The following KRT9 variants were observed in gnomAD, a reference collection of about 807,000 sequenced individuals.
KRT9 encodes keratin, type I cytoskeletal 9.
In KRT9, 34 loss-of-function variants were observed where a neutral mutation model predicts 51.4. The ratio of observed to expected loss-of-function variants is 0.66; its 90% CI spans 0.50 to 0.88. The LOEUF (loss-of-function observed/expected upper bound fraction) is 0.88. KRT9 is among the 40% of genes least tolerant of loss of function. KRT9 has a pLI of 0.00. For synonymous variants in KRT9, 292 were observed against 289.7 expected, an observed-to-expected ratio of 1.01 and a Z score of -0.08; for missense variants, 753 against 790.3, an observed-to-expected ratio of 0.95 and a Z score of 0.57.
At position 41,567,306 on chromosome 17, in the gene KRT9, G is replaced by A. The variant is rs142173628; in HGVS notation, c.1839C>T (p.Tyr613=). The A allele has an allele frequency of 4.5e-5, 72 of 1,613,950 alleles. No homozygotes were observed. The East Asian group carries it at 1.2e-3, about 27-fold the overall frequency. ...GGGATGATTTTCCGCTTCCTCCTCC[G>A]TAGCCGCCACCACTTCCACTCGCTT... The part of the protein sequence containing the change: ...GEEASGSGGG[Y]GGGSGKSSHS The change falls in exon 7 of 8, where the codon TAC becomes TAT. Residue 613 remains tyrosine (Y), a synonymous_variant. Coordinates refer to ENST00000246662, the MANE Select transcript of KRT9 (RefSeq NM_000226.4).
intron 6 of KRT9, 139 bp downstream of exon 6, chr17:41,568,023 G>A: frequency 1.0e-6 from 1 of 956,398 alleles, no homozygotes; most frequent in Non-Finnish European, 1.6e-6. Context: ...GGTCCCCCCG[G>A]CCCCCAGGAT....
At position 41,571,171 on chromosome 17, in the gene KRT9, A is replaced by T. The variant is rs117099258; in HGVS notation, c.642+180T>A. Among the ~76,000 whole-genome samples the T allele has an allele frequency of 4.6e-5, 7 of 152,354 alleles. No homozygotes were observed. The East Asian group carries it at 1.4e-3, about 29-fold the overall frequency. ...GAAGTGAACACTCAGAGCACAGGCCAAAGTCCTATCCTGGGATCCCCAGAA... is the reference window on the plus strand; with the variant it reads ...GAAGTGAACACTCAGAGCACAGGCCTAAGTCCTATCCTGGGATCCCCAGAA... On this transcript the variant is annotated intron_variant, in intron 1 of 7. Coordinates refer to ENST00000246662, the MANE Select transcript of KRT9 (RefSeq NM_000226.4).
chr17:41,569,773 C>T, intron 3 of KRT9, 86 bp downstream of exon 3: 1 of 1,553,540 alleles, frequency 6.4e-7, no homozygotes, highest in East Asian at 2.2e-5. Context: ...GAGGGTGTCT[C>T]CCAGGTAATG....
At position 41,571,943 on chromosome 17, in the gene KRT9, C is replaced by A. The variant is rs746679033; in HGVS notation, c.50G>T (p.Gly17Val). 8.2e-6 allele frequency: 13 copies of A among 1,579,962 alleles called. No homozygotes were observed. The highest frequency in any genetic ancestry group is 1.1e-5 in the Non-Finnish European group (13 of 1,163,508). The part of the protein sequence containing the change: ...SSSYLSRSGG[G>V]GGGGLGSGGS... ...CCCGCTGCCCAGGCCGCCCCCGCCA[C>A]CCCCGCCGCTGCGGCTCAAGTAGGA... The change falls in exon 1 of 8, where the codon GGT becomes GTT. Residue 17 changes from glycine (G) to valine (V), a missense_variant. Physicochemically the swap from Gly to Val is moderately radical, Grantham distance 109 (BLOSUM62 -3). Around this residue, in one of 3 missense-constraint regions of KRT9, gnomAD observed 241 missense variants for 210.3 expected, o/e 1.15. Coordinates refer to ENST00000246662, the MANE Select transcript of KRT9 (RefSeq NM_000226.4).
At chr17:41,568,133 G>A in intron 6 of KRT9, 29 bp downstream of exon 6, 1 of 1,594,584 alleles carries the variant, frequency 6.3e-7, no homozygotes, top group Non-Finnish European at 8.6e-7. Flanking sequence ...GGGACCCCCA[G>A]GGGTTCCACC....
In KRT9 at chr17:41,566,115, G is replaced by C. The variant is rs1046177823; in HGVS notation, c.*78C>G. ...GGGATGCTCAGCTGGGGCTGGGCAG[G>C]AGAAGTTTACAGAGGCTCTAGTATC... On this transcript the variant is annotated 3_prime_UTR_variant, in exon 8 of 8. Transcript: ENST00000246662. The C allele has an allele frequency of 2.6e-5, 4 of 152,808 alleles. No individual in the cohort carries two copies. The highest frequency in any genetic ancestry group is 9.7e-5 in the African/African-American group (4 of 41,446). The allele number at this position is 152,808 out of a possible 1,614,324, so 9.5% of individuals were successfully genotyped here.
At chr17:41,571,103 G>C (rs912482447) in intron 1 of KRT9, among the ~76,000 whole-genome samples, 8 of 152,062 alleles carry the variant, frequency 5.3e-5, no homozygotes, top group African/African-American at 1.9e-4. Context: ...GTTAACCCAG[G>C]TCTCCTCTCT....
chr17:41,567,639 A>T lies in KRT9; in HGVS notation c.1506T>A (p.Ser502Arg), dbSNP rs752425097. 1.9e-6 allele frequency: 3 copies of T among 1,593,656 alleles called. No homozygotes were observed. The highest frequency in any genetic ancestry group is 2.6e-6 in the Non-Finnish European group (3 of 1,170,366). ...GSGGSYGGGG[S>R]GGGYGGGSGS... ...CACTTCCTCCACCATAGCCACCTCC[A>T]CTTCCTCCTCCACCATAGCTGCCTC... The change falls in exon 7 of 8, where the codon AGT becomes AGA. Residue 502 changes from serine to arginine, a missense_variant. Around this residue, in one of 3 missense-constraint regions of KRT9, gnomAD observed 507 missense variants for 563.7 expected, o/e 0.90. Coordinates refer to ENST00000246662, the MANE Select transcript of KRT9 (RefSeq NM_000226.4).
At position 41,571,829 on chromosome 17, in the gene KRT9, C is replaced by A; in HGVS notation, c.164G>T (p.Gly55Val). The change falls in exon 1 of 8, where the codon GGG becomes GTG. Residue 55 changes from glycine to valine, a missense_variant. Transcript: ENST00000246662. ...GRFSSSSGYG[G>V]GSSRVCGRGG... ...CCTCCCACAGACACGAGAGCTTCCC[C>A]CACCATAGCCACTAGAAGAGCTGAA... 1 of 1,612,940 alleles carries A rather than the reference C, an allele frequency of 6.2e-7. No individual in the cohort carries two copies. Among genetic ancestry groups the A allele is most frequent in the Non-Finnish European group, 8.5e-7 (1 of 1,179,328 alleles).
Position 41,568,209 on chromosome 17 carries a change from C to T in KRT9, c.1347G>A (p.Lys449=), listed in dbSNP as rs901559270. The T allele has an allele frequency of 4.3e-6, 7 of 1,614,076 alleles. No homozygotes were observed. In the African/African-American group the frequency reaches 6.7e-5, roughly 15 times the overall value. Residue 449 remains lysine (K), a synonymous_variant, in exon 6 of 8, where the codon AAG becomes AAA. Coordinates refer to ENST00000246662, the MANE Select transcript of KRT9 (RefSeq NM_000226.4). ...LLLSIKMRLE[K]EIETYHNLLE... ...GGAGGTTGTGGTAGGTCTCGATTTC[C>T]TTCTCCAGCCGCATCTTAATGCTGA...
At chr17:41,568,079 C>A (rs1036373217) in intron 6 of KRT9, 83 bp downstream of exon 6, 2 of 1,264,594 alleles carry the variant, frequency 1.6e-6, no homozygotes, top group African/African-American at 3.0e-5. Context: ...GAACTTCCCC[C>A]AGCTGCCTCT....
chr17:41,570,002 G>T lies in KRT9; in HGVS notation c.739C>A (p.Gln247Lys). 6.2e-7 allele frequency: 1 copy of T among 1,614,150 alleles called. No individual in the cohort carries two copies. The highest frequency in any genetic ancestry group is 1.3e-5 in the African/African-American group (1 of 75,040). Residue 247 changes from glutamine to lysine, a missense_variant, in exon 3 of 8, where the codon CAA (glutamine) becomes AAA (lysine). Coordinates refer to ENST00000246662, the MANE Select transcript of KRT9 (RefSeq NM_000226.4). ...DDFRIKFEME[Q>K]NLRQGVDADI... Reference sequence around the variant, plus strand: ...GCATCCACTCCTTGCCGCAGGTTTTGCTCCATCTCAAACCTGCAGACCAGC... The same window carrying T: ...GCATCCACTCCTTGCCGCAGGTTTTTCTCCATCTCAAACCTGCAGACCAGC...
chr17:41,569,689 T>C, intron 3 of KRT9, 102 bp from the exon 4 acceptor site: 1 of 1,534,656 alleles, frequency 6.5e-7, no homozygotes, highest in South Asian at 1.1e-5. Context: ...GGGGACACAG[T>C]TGTGAAGCCA....
rs750086569 is a variant in KRT9, at chr17:41,567,336, A to T, written c.1809T>A (p.Gly603=). The change falls in exon 7 of 8, where the codon GGT becomes GGA. Residue 603 remains glycine, a synonymous_variant. Coordinates refer to ENST00000246662, the MANE Select transcript of KRT9 (RefSeq NM_000226.4). ...CGCCACCACTTCCACTCGCTTCTTC[A>T]CCGCCTCCGTAGCTGCCTCCACTTT... is the stretch of plus-strand genomic sequence containing the variant. ...GGESGGSYGG[G]EEASGSGGGY... 1.9e-5 allele frequency: 30 copies of T among 1,613,818 alleles called. No individual in the cohort carries two copies. Among genetic ancestry groups the T allele is most frequent in the Non-Finnish European group, 1.1e-5 (13 of 1,179,950 alleles).
intron 2 of KRT9, 25 bp from the exon 3 acceptor site, chr17:41,570,040 A>G (rs1420440178): frequency 1.2e-6 from 2 of 1,614,200 alleles, no homozygotes; most frequent in Admixed American, 3.3e-5. Context: ...GGGTTAGAAA[A>G]CAATCAAGAG....
chr17:41,568,321 A>T lies in KRT9; in HGVS notation c.1235T>A (p.Ile412Asn), dbSNP rs770937639. 30 of 1,614,118 alleles carry T rather than the reference A, an allele frequency of 1.9e-5. No homozygotes were observed. Among genetic ancestry groups the T allele is most frequent in the Non-Finnish European group, 2.2e-5 (26 of 1,179,998 alleles). Residue 412 changes from isoleucine (I) to asparagine (N), a missense_variant, in exon 6 of 8, where the codon ATC becomes AAC. Around this residue, in one of 3 missense-constraint regions of KRT9, gnomAD observed 507 missense variants for 563.7 expected, o/e 0.90. Transcript: ENST00000246662. ...KNRYCGQLQM[I>N]QEQISNLEAQ... The stretch of plus-strand genomic sequence containing the variant: ...CTCCAAGTTACTGATCTGCTCCTGG[A>T]TCATCTGCAGCTGGCCACAGTAGCG...
chr17:41,570,245 G>A, intron 1 of KRT9, 25 bp from the exon 2 acceptor site: 1 of 1,600,184 alleles, frequency 6.2e-7, no homozygotes, highest in Non-Finnish European at 8.6e-7. Flanking sequence ...ACACAGCCAT[G>A]ATATCATGCT....
chr17:41,568,042 C>T, intron 6 of KRT9, 120 bp downstream of exon 6: 1 of 1,020,058 alleles, frequency 9.8e-7, no homozygotes, highest in Non-Finnish European at 1.5e-6. Context: ...ATGAAGAAGT[C>T]CTCAACCCAT....
At position 41,571,550 on chromosome 17, in the gene KRT9, A is replaced by G. The variant is rs1398287363; in HGVS notation, c.443T>C (p.Ile148Thr). 1.9e-6 allele frequency: 3 copies of G among 1,613,452 alleles called. No individual in the cohort carries two copies. The highest frequency in any genetic ancestry group is 2.7e-5 in the African/African-American group (2 of 74,756). The stretch of plus-strand genomic sequence containing the variant: ...GGTGCTCTTCTCATTAGCAGTCAGA[A>G]TACCACCATCACCTCCTCCAGCACC... ...GGGAGGGDGG[I>T]LTANEKSTMQ... The change falls in exon 1 of 8, where the codon ATT (isoleucine) becomes ACT (threonine). Residue 148 changes from isoleucine to threonine, a missense_variant. Around this residue, in one of 3 missense-constraint regions of KRT9, gnomAD observed 241 missense variants for 210.3 expected, o/e 1.15. Transcript: ENST00000246662.
Sources: allele counts gnomAD v4.1 joint callset (sites outside exome capture counted in the v4.1 genomes callset), GRCh38; gene constraint gnomAD v4.1.1; regional missense constraint gnomAD v4.1.1; transcripts MANE v1.5; gene names NCBI Gene and HGNC (gene_info 2026-07-23, HGNC 2026-07-21).